AP1G1: variants seen among roughly 807,000 people sequenced by gnomAD.
The protein encoded by AP1G1 is adaptor related protein complex 1 subunit gamma 1, also known as AP-1 complex subunit gamma-1.
A neutral mutation model predicts 108.3 loss-of-function variants in AP1G1; 7 were observed. That is an observed-to-expected ratio of 0.06 (90% CI 0.04 to 0.12). AP1G1 has a LOEUF of 0.12. AP1G1 is among the 10% of genes least tolerant of loss of function. The probability of loss-of-function intolerance (pLI) is 1.00; values close to 1 mark genes in which losing one functional copy is unlikely to be tolerated. For synonymous variants in AP1G1, 379 were observed against 353.5 expected (o/e 1.07, Z -0.81); for missense variants, 756 against 1,010.7 (o/e 0.75, Z 3.42).
chr16:71,767,184 C>T (rs1194419795), intron 6 of AP1G1, among the ~76,000 whole-genome samples: 1 of 152,152 alleles, frequency 6.6e-6, no homozygotes, highest in Non-Finnish European at 1.5e-5. Context: ...CAGCACATCA[C>T]ATAACATTAC....
At chr16:71,749,147 G>A (rs2030349343) in intron 15 of AP1G1, among the ~76,000 whole-genome samples, 1 of 151,948 alleles carries the variant, frequency 6.6e-6, no homozygotes, top group Non-Finnish European at 1.5e-5. Context: ...CCCTGCAGGT[G>A]ACCTCATGAT....
intron 2 of AP1G1, among the ~76,000 whole-genome samples, chr16:71,786,736 G>C (rs2032217035): frequency 6.6e-6 from 1 of 152,084 alleles, no homozygotes; most frequent in South Asian, 2.1e-4. Flanking sequence ...TGGGTGTACA[G>C]GCGTGAGCCA....
At chr16:71,741,201 T>C (rs1456006566) in intron 19 of AP1G1, among the ~76,000 whole-genome samples, 4 of 151,966 alleles carry the variant, frequency 2.6e-5, no homozygotes, top group African/African-American at 4.8e-5. Context: ...ACTATCACAA[T>C]GAAATAAAGG....
intron 6 of AP1G1, among the ~76,000 whole-genome samples, chr16:71,768,783 C>T (rs2031431520): frequency 6.6e-6 from 1 of 150,556 alleles, no homozygotes; most frequent in Non-Finnish European, 1.5e-5. Flanking sequence ...GGCGTGGTGC[C>T]AGGCACCTGC....
intron 1 of AP1G1, among the ~76,000 whole-genome samples, chr16:71,802,278 C>CT (rs568829276): frequency 4.0e-5 from 6 of 151,224 alleles, no homozygotes; most frequent in Non-Finnish European, 8.9e-5. Flanking sequence ...TTACTTACCT[C>CT]TTTTTTTTGA....
rs4788443 is a variant in AP1G1, at chr16:71,771,257, G to A, written c.469-5C>T. On this transcript the variant is annotated splice_region_variant and splice_polypyrimidine_tract_variant and intron_variant, in intron 4 of 22. Coordinates refer to ENST00000299980, the MANE Select transcript of AP1G1 (RefSeq NM_001128.6). ...ATGAACAGCACACAGTGCTGCCTAT[G>A]AAAAAAAAAATAAAAGAACAAAAGG... The A allele has an allele frequency of 0.81, 1,111,625 of 1,376,130 alleles. 439,584 individuals are homozygous for A. Among genetic ancestry groups the A allele is most frequent in the East Asian group, 0.94 (36,544 of 39,000 alleles). 85.2% of individuals were successfully genotyped at this position (1,376,130 alleles called of 1,614,324 possible).
intron 1 of AP1G1, chr16:71,808,326 A>G (rs1031872553): frequency 1.3e-6 from 1 of 757,056 alleles, no homozygotes; most frequent in African/African-American, 1.9e-5. Context: ...TTAACTGGGC[A>G]TTTGGATATG....
rs377010368 is a variant in AP1G1 at position 71,769,614 on chromosome 16, G to A, written c.642+9C>T. The A allele has an allele frequency of 1.2e-5, 19 of 1,609,304 alleles. No individual in the cohort carries two copies. The highest frequency in any genetic ancestry group is 1.5e-5 in the Non-Finnish European group (18 of 1,176,026). Reference sequence around the variant, plus strand: ...CAAGAAAGGCTTAGGCATACAGAATGGCACCTACCTTTCTGAAATGCGCAA... The same window carrying A: ...CAAGAAAGGCTTAGGCATACAGAATAGCACCTACCTTTCTGAAATGCGCAA... On this transcript the variant is annotated intron_variant, in intron 6 of 22. Coordinates refer to ENST00000299980, the MANE Select transcript of AP1G1 (RefSeq NM_001128.6).
intron 1 of AP1G1, among the ~76,000 whole-genome samples, chr16:71,797,798 C>CA (rs906812076): frequency 3.0e-4 from 43 of 144,604 alleles, no homozygotes; most frequent in Middle Eastern, 3.5e-3. Context: ...GACGCAGTCT[C>CA]AAAAAAAAAA....
chr16:71,768,978 CA>C (rs59451625), intron 6 of AP1G1, among the ~76,000 whole-genome samples: 13,749 of 64,770 alleles, frequency 0.21, 1,231 homozygotes, highest in Non-Finnish European at 0.25. Flanking sequence ...AAAAAAAATA[CA>C]AAAAAAAAAA....
At chr16:71,780,941 C>T (rs1349278576) in intron 2 of AP1G1, among the ~76,000 whole-genome samples, 2 of 152,016 alleles carry the variant, frequency 1.3e-5, no homozygotes, top group Non-Finnish European at 2.9e-5. Context: ...CCTCAGCTTC[C>T]TAAAGTGCTG....
chr16:71,782,623 A>G (rs1207594053), intron 2 of AP1G1, among the ~76,000 whole-genome samples: 1 of 151,828 alleles, frequency 6.6e-6, no homozygotes, highest in Non-Finnish European at 1.5e-5. Flanking sequence ...AGTAGCTGGG[A>G]TTAATAGGCG....
intron 2 of AP1G1, among the ~76,000 whole-genome samples, chr16:71,779,294 T>C (rs1316516610): frequency 7.3e-6 from 1 of 136,412 alleles, no homozygotes; most frequent in East Asian, 2.5e-4. Flanking sequence ...AAATTTGACA[T>C]AGACACTGAC....
At chr16:71,738,898 C>G in intron 21 of AP1G1, 44 bp downstream of exon 21, 1 of 1,537,194 alleles carries the variant, frequency 6.5e-7, no homozygotes, top group South Asian at 1.2e-5. Flanking sequence ...AAAAGCCAGC[C>G]AATCTTTAAT....
chr16:71,768,334 T>C (rs1455523762), intron 6 of AP1G1, among the ~76,000 whole-genome samples: 1 of 148,690 alleles, frequency 6.7e-6, no homozygotes, highest in Non-Finnish European at 1.5e-5. Context: ...CCATCTCTAC[T>C]AAAAATACAA....
At chr16:71,789,183 C>T (rs1567661130) in intron 2 of AP1G1, 96 bp downstream of exon 2, 1 of 1,125,162 alleles carries the variant, frequency 8.9e-7, no homozygotes, top group East Asian at 2.6e-5. Flanking sequence ...GACTACAAGG[C>T]TATCAAAAGT....
At chr16:71,734,993 C>G (rs1422156326) in intron 21 of AP1G1, among the ~76,000 whole-genome samples, 1 of 152,218 alleles carries the variant, frequency 6.6e-6, no homozygotes, top group African/African-American at 2.4e-5. Context: ...TTTTCAAAAG[C>G]TGACCAATTC....
intron 2 of AP1G1, among the ~76,000 whole-genome samples, chr16:71,782,393 A>T (rs192063970): frequency 8.8e-4 from 134 of 152,028 alleles, no homozygotes; most frequent in African/African-American, 2.9e-3. Context: ...CGAACTCCTG[A>T]GCTCAAGCAA....
At position 71,736,117 on chromosome 16, in the gene AP1G1, AAT is replaced by A. The variant is rs1306238313; in HGVS notation, c.2269-1412_2269-1411del. 7.0e-3 allele frequency among the ~76,000 whole-genome samples: 502 copies of A among 71,462 alleles called. 6 individuals are homozygous for A. The highest frequency in any genetic ancestry group is 9.6e-3 in the East Asian group (20 of 2,088). The allele number at this position is 71,462 out of a possible 152,430, so 46.9% of individuals were successfully genotyped here. On this transcript the variant is annotated intron_variant, in intron 21 of 22. Transcript: ENST00000299980. The stretch of plus-strand genomic sequence containing the variant: ...CCATCTCAAAAAAAAAAAAAAAAAA[AAT>A]ATATATATATATATATATATATATA...
Sources: gnomAD v4.1 joint callset for allele counts (sites outside exome capture counted in the v4.1 genomes callset) on GRCh38, gnomAD v4.1.1 for gene constraint, MANE v1.5 for transcripts, NCBI Gene and HGNC (gene_info 2026-07-23, HGNC 2026-07-21) for gene names.